Variants in CAMKMT observed in about 807,000 individuals in gnomAD.
CAMKMT encodes the protein calmodulin-lysine N-methyltransferase, also known as CaM KMT.
A neutral mutation model predicts 48.0 loss-of-function variants in CAMKMT; 53 were observed. The observed-to-expected ratio is 1.10, with a 90% CI of 0.89 to 1.39. CAMKMT has a LOEUF of 1.39. Among genes scored for constraint, CAMKMT ranks in the 40% most tolerant of loss-of-function variants. The pLI, the probability that CAMKMT is intolerant of heterozygous loss-of-function variation, is 0.00. For synonymous variants in CAMKMT, 165 were observed against 152.3 expected (o/e 1.08, Z -0.61); for missense variants, 428 against 402.7 (o/e 1.06, Z -0.54).
chr2:44,459,891 A>G (rs1278587408), intron 3 of CAMKMT, among the ~76,000 whole-genome samples: 4 of 152,102 alleles, frequency 2.6e-5, no homozygotes, highest in Middle Eastern at 3.2e-3. Context: ...GGTGCTGGGG[A>G]TGGTAGTTAT....
At chr2:44,628,744 TA>T (rs1184411524) in intron 3 of CAMKMT, among the ~76,000 whole-genome samples, 1 of 152,190 alleles carries the variant, frequency 6.6e-6, no homozygotes, top group Non-Finnish European at 1.5e-5. Context: ...AACATATTTT[TA>T]ATGTTTCTTA....
chr2:44,453,853 A>G (rs1428825985), intron 3 of CAMKMT, among the ~76,000 whole-genome samples: 5 of 152,030 alleles, frequency 3.3e-5, no homozygotes, highest in Admixed American at 3.3e-4. Context: ...CGACTATAAG[A>G]TTAAGAGGTG....
chr2:44,423,375 T>G (rs1234790120), intron 3 of CAMKMT, among the ~76,000 whole-genome samples: 2 of 151,998 alleles, frequency 1.3e-5, no homozygotes, highest in African/African-American at 4.8e-5. Context: ...AGACGGGGTG[T>G]TACCATATTG....
intron 3 of CAMKMT, among the ~76,000 whole-genome samples, chr2:44,663,452 C>G (rs1460549039): frequency 6.6e-6 from 1 of 152,170 alleles, no homozygotes; most frequent in African/African-American, 2.4e-5. Flanking sequence ...TTTGAGCTTC[C>G]CCTTCTGTGA....
intron 8 of CAMKMT, among the ~76,000 whole-genome samples, chr2:44,745,737 C>T (rs1301846778): frequency 6.6e-6 from 1 of 152,110 alleles, no homozygotes; most frequent in Non-Finnish European, 1.5e-5. Flanking sequence ...ACTCTCACTG[C>T]GATGCTGATA....
chr2:44,686,163 G>T (rs1486024136), intron 3 of CAMKMT, among the ~76,000 whole-genome samples: 4 of 152,066 alleles, frequency 2.6e-5, no homozygotes. Flanking sequence ...GGAGGCTGAG[G>T]TGGGCGGATC....
At chr2:44,453,837 A>G (rs1667421179) in intron 3 of CAMKMT, among the ~76,000 whole-genome samples, 1 of 152,064 alleles carries the variant, frequency 6.6e-6, no homozygotes, top group Non-Finnish European at 1.5e-5. Flanking sequence ...AAATAGTCTA[A>G]TAAAACGACT....
At chr2:44,692,562 G>T (rs1037917383) in intron 3 of CAMKMT, among the ~76,000 whole-genome samples, 2 of 152,200 alleles carry the variant, frequency 1.3e-5, no homozygotes, top group African/African-American at 2.4e-5. Context: ...AATCACTGCT[G>T]TATCCTCAGC....
chr2:44,521,683 G>A (rs1358153395), intron 3 of CAMKMT, among the ~76,000 whole-genome samples: 2 of 152,274 alleles, frequency 1.3e-5, no homozygotes, highest in South Asian at 4.1e-4. Context: ...TTTGAATGTA[G>A]TAATCTCCCT....
intron 8 of CAMKMT, among the ~76,000 whole-genome samples, chr2:44,745,045 C>T (rs1245884573): frequency 6.6e-6 from 1 of 152,158 alleles, no homozygotes; most frequent in Admixed American, 6.5e-5. Context: ...TGCCTTTCCT[C>T]ACCAAATATG....
chr2:44,659,067 T>C (rs1381385671), intron 3 of CAMKMT, among the ~76,000 whole-genome samples: 1 of 148,416 alleles, frequency 6.7e-6, no homozygotes, highest in Admixed American at 6.7e-5. Context: ...CTTTTGTGTG[T>C]GTGTGTAGTT....
chr2:44,399,841 G>T (rs989804676), intron 3 of CAMKMT, among the ~76,000 whole-genome samples: 2 of 152,116 alleles, frequency 1.3e-5, no homozygotes, highest in Non-Finnish European at 2.9e-5. Flanking sequence ...TAGGGTGACT[G>T]TACAGCCTCG....
chr2:44,664,203 GC>G (rs1341876393), intron 3 of CAMKMT, among the ~76,000 whole-genome samples: 4 of 152,190 alleles, frequency 2.6e-5, no homozygotes, highest in Non-Finnish European at 5.9e-5. Flanking sequence ...ACATTTAGTT[GC>G]CAAGTAAACT....
intron 3 of CAMKMT, among the ~76,000 whole-genome samples, chr2:44,469,945 A>G (rs546086296): frequency 6.6e-6 from 1 of 151,774 alleles, no homozygotes; most frequent in South Asian, 2.1e-4. Context: ...TCTGATTTAT[A>G]TATTTAAATA....
chr2:44,426,985 T>C (rs1684318254), intron 3 of CAMKMT, among the ~76,000 whole-genome samples: 1 of 152,000 alleles, frequency 6.6e-6, no homozygotes, highest in African/African-American at 2.4e-5. Context: ...CATAGACCAA[T>C]GGAACAGAAT....
intron 6 of CAMKMT, among the ~76,000 whole-genome samples, chr2:44,713,324 G>C (rs1482515503): frequency 6.6e-6 from 1 of 152,096 alleles, no homozygotes; most frequent in Non-Finnish European, 1.5e-5. Context: ...CAGGTGTACT[G>C]GGCACATTAT....
chr2:44,611,956 C>T (rs1671623847), intron 3 of CAMKMT, among the ~76,000 whole-genome samples: 1 of 152,048 alleles, frequency 6.6e-6, no homozygotes, highest in African/African-American at 2.4e-5. Flanking sequence ...GAGGGATCTG[C>T]CCCCATGATT....
chr2:44,680,012 C>T (rs60689253), intron 3 of CAMKMT, among the ~76,000 whole-genome samples: 7,103 of 152,286 alleles, frequency 0.047, 549 homozygotes, highest in African/African-American at 0.16. Flanking sequence ...AGCCATTCCA[C>T]GGCTGCCATT....
At chr2:44,645,177 G>A (rs1208932145) in intron 3 of CAMKMT, among the ~76,000 whole-genome samples, 1 of 152,218 alleles carries the variant, frequency 6.6e-6, no homozygotes, top group Non-Finnish European at 1.5e-5. Context: ...GTGATGAGTA[G>A]GAGGCCAGGG....
Sources: gnomAD v4.1 joint callset for allele counts (sites outside exome capture counted in the v4.1 genomes callset) on GRCh38, gnomAD v4.1.1 for gene constraint, MANE v1.5 for transcripts, NCBI Gene and HGNC (gene_info 2026-07-23, HGNC 2026-07-21) for gene names.